The following DAB1 variants were observed in gnomAD, a reference collection of about 807,000 sequenced individuals.
The protein encoded by DAB1 is disabled homolog 1.
DAB1 carries 15 observed loss-of-function variants against 64.6 expected under a neutral mutation model. The ratio of observed to expected loss-of-function variants is 0.23; its 90% CI spans 0.16 to 0.36. The LOEUF (loss-of-function observed/expected upper bound fraction) is 0.36, where lower values mean the gene tolerates loss of function less well. Among genes scored for constraint, DAB1 ranks in the 10% least tolerant of loss-of-function variants. The pLI is 1.00. For synonymous variants in DAB1, 235 were observed against 251.9 expected (o/e 0.93, Z 0.64); for missense variants, 596 against 706.7 (o/e 0.84, Z 1.78).
chr1:57,528,653 C>CAT (rs1558464188), intron 7 of DAB1, among the ~76,000 whole-genome samples: 99 of 151,422 alleles, frequency 6.5e-4, no homozygotes, highest in African/African-American at 2.2e-3. Flanking sequence ...CACACACACA[C>CAT]ACACACACAC....
In DAB1 at chr1:57,391,812, CAG is replaced by C. The variant is rs796284038; in HGVS notation, c.-137+32116_-137+32117del. Among the ~76,000 whole-genome samples, 203 of 141,796 alleles carry C rather than the reference CAG, an allele frequency of 1.4e-3. 2 individuals are homozygous for C. The highest frequency in any genetic ancestry group is 7.1e-3 in the Middle Eastern group (2 of 280). The allele number at this position is 141,796 out of a possible 152,430, so 93.0% of individuals were successfully genotyped here. ...ACACACACACACACACACACACACA[CAG>C]AGAGAGGAGAGAGAGAGAAGAGGGA... On this transcript the variant is annotated intron_variant, in intron 1 of 14. Transcript: ENST00000371236.
intron 4 of DAB1, among the ~76,000 whole-genome samples, chr1:58,179,211 T>C (rs1240169747): frequency 6.6e-6 from 1 of 151,878 alleles, no homozygotes; most frequent in Non-Finnish European, 1.5e-5. Flanking sequence ...AATCTCTTTA[T>C]CTATATGTTT....
chr1:58,133,539 A>G (rs963951211), intron 5 of DAB1, among the ~76,000 whole-genome samples: 1 of 152,110 alleles, frequency 6.6e-6, no homozygotes, highest in African/African-American at 2.4e-5. Context: ...TCTTGTCTCT[A>G]CCTGCCAACA....
chr1:57,036,385 T>C (rs1239569435), intron 9 of DAB1, among the ~76,000 whole-genome samples: 1 of 152,174 alleles, frequency 6.6e-6, no homozygotes, highest in Non-Finnish European at 1.5e-5. Context: ...GTTCTAACTC[T>C]GGCTCAGTCA....
At chr1:58,187,497 C>G (rs534065138) in intron 4 of DAB1, among the ~76,000 whole-genome samples, 10 of 150,698 alleles carry the variant, frequency 6.6e-5, no homozygotes, top group African/African-American at 2.2e-4. Context: ...AGCCTGACTA[C>G]AAAGCACCCA....
intron 7 of DAB1, among the ~76,000 whole-genome samples, chr1:57,449,186 A>G (rs1264197752): frequency 6.6e-6 from 1 of 152,166 alleles, no homozygotes; most frequent in African/African-American, 2.4e-5. Flanking sequence ...AAATGTGTAA[A>G]TCTAAGAAAT....
At chr1:58,347,193 C>T (rs1010318565) in intron 3 of DAB1, among the ~76,000 whole-genome samples, 22 of 152,150 alleles carry the variant, frequency 1.4e-4, no homozygotes, top group Admixed American at 1.4e-3. Context: ...CCACAACCTC[C>T]GCCTCCCAGG....
At chr1:58,255,662 T>A (rs752324896) in intron 4 of DAB1, among the ~76,000 whole-genome samples, 1 of 152,190 alleles carries the variant, frequency 6.6e-6, no homozygotes, top group Non-Finnish European at 1.5e-5. Flanking sequence ...TGACCAAGTC[T>A]GACACAGAAT....
intron 2 of DAB1, among the ~76,000 whole-genome samples, chr1:57,172,556 T>C (rs1490676124): frequency 1.3e-5 from 2 of 152,216 alleles, no homozygotes; most frequent in Non-Finnish European, 2.9e-5. Flanking sequence ...GTAGATAGAC[T>C]GAAGCATAGA....
chr1:57,595,783 G>A (rs114258774), intron 7 of DAB1, among the ~76,000 whole-genome samples: 2,869 of 152,106 alleles, frequency 0.019, 103 homozygotes, highest in African/African-American at 0.066. Flanking sequence ...ATGACATCAG[G>A]TTGTTTAGAA....
chr1:58,101,540 A>G (rs1390867692), intron 5 of DAB1, among the ~76,000 whole-genome samples: 2 of 152,114 alleles, frequency 1.3e-5, no homozygotes, highest in Non-Finnish European at 2.9e-5. Context: ...GCTTGATGTA[A>G]GAAACCATGG....
At chr1:58,130,264 A>G (rs1378633998) in intron 5 of DAB1, among the ~76,000 whole-genome samples, 15 of 131,962 alleles carry the variant, frequency 1.1e-4, no homozygotes, top group African/African-American at 1.5e-4. Context: ...GTTTTATCAG[A>G]GACTAGGATT....
chr1:57,372,333 T>TA (rs1455339210), intron 1 of DAB1, among the ~76,000 whole-genome samples: 3 of 152,172 alleles, frequency 2.0e-5, no homozygotes, highest in Non-Finnish European at 4.4e-5. Flanking sequence ...TTTAAGACCT[T>TA]ACATCTTCCA....
At chr1:57,690,010 T>A (rs1432785547) in intron 6 of DAB1, among the ~76,000 whole-genome samples, 2 of 152,218 alleles carry the variant, frequency 1.3e-5, no homozygotes, top group Non-Finnish European at 2.9e-5. Flanking sequence ...ACATCATGTT[T>A]GTCTTTCTGT....
intron 5 of DAB1, among the ~76,000 whole-genome samples, chr1:57,930,876 G>C (rs1482721950): frequency 1.3e-5 from 2 of 151,970 alleles, no homozygotes; most frequent in South Asian, 2.1e-4. Context: ...CATCAGCTAG[G>C]ACTTCTAATA....
rs189227219 is a variant in DAB1, at chr1:58,139,871, C to T, written n.387+10640G>A. On this transcript the variant is annotated intron_variant and non_coding_transcript_variant, in intron 5 of 20. Coordinates refer to the DAB1 transcript ENST00000485760. ...GCTTTGGGGATTAATTTAGCTAATA[C>T]ATAAAGTGCCCAGGCCACAGGAGGT... Among the ~76,000 whole-genome samples the T allele has an allele frequency of 2.2e-3, 332 of 152,256 alleles. 4 individuals are homozygous for T. Among genetic ancestry groups the T allele is most frequent in the African/African-American group, 7.6e-3 (315 of 41,546 alleles).
intron 7 of DAB1, among the ~76,000 whole-genome samples, chr1:57,505,878 C>T (rs1644337804): frequency 1.3e-5 from 2 of 152,208 alleles, no homozygotes; most frequent in East Asian, 3.9e-4. Flanking sequence ...TCATTCTGCC[C>T]AGGCTGGTAT....
intron 8 of DAB1, among the ~76,000 whole-genome samples, chr1:57,067,876 G>A (rs1280359698): frequency 1.3e-5 from 2 of 152,170 alleles, no homozygotes; most frequent in African/African-American, 4.8e-5. Context: ...ACATGAGCTT[G>A]TGAGTTAGGG....
chr1:57,928,821 G>C (rs1295106641), intron 5 of DAB1, among the ~76,000 whole-genome samples: 3 of 152,100 alleles, frequency 2.0e-5, no homozygotes, highest in African/African-American at 7.2e-5. Context: ...TTCGTTATCT[G>C]GATGTAACAC....
Sources: gnomAD v4.1 joint callset for allele counts (sites outside exome capture counted in the v4.1 genomes callset) on GRCh38, gnomAD v4.1.1 for gene constraint, MANE v1.5 for transcripts, NCBI Gene and HGNC (gene_info 2026-07-23, HGNC 2026-07-21) for gene names.